The following GRID1 variants were observed in gnomAD, a reference collection of about 807,000 sequenced individuals.
GRID1 encodes glutamate receptor ionotropic, delta-1.
GRID1 carries 28 observed loss-of-function variants against 98.0 expected under a neutral mutation model. The ratio of observed to expected loss-of-function variants is 0.29; its 90% CI spans 0.21 to 0.39. GRID1 has a LOEUF of 0.39. Ranked by LOEUF, GRID1 falls within the 10% of genes least tolerant of loss-of-function variation. The pLI, the probability that GRID1 is intolerant of heterozygous loss-of-function variation, is 1.00. For missense variants in GRID1, 1,111 were observed against 1,340.5 expected, an observed-to-expected ratio of 0.83 and a Z score of 2.67; for synonymous variants, 553 against 538.5, an observed-to-expected ratio of 1.03 and a Z score of -0.37.
intron 13 of GRID1, among the ~76,000 whole-genome samples, chr10:85,640,885 T>C (rs1182247400): frequency 2.0e-5 from 3 of 152,256 alleles, no homozygotes; most frequent in Non-Finnish European, 4.4e-5. Flanking sequence ...ATTCACACTT[T>C]ATGACTTCAG....
chr10:86,119,878 C>T (rs1228168294), intron 4 of GRID1, among the ~76,000 whole-genome samples: 2 of 152,164 alleles, frequency 1.3e-5, no homozygotes, highest in Admixed American at 6.5e-5. Flanking sequence ...GCAAGCTCTG[C>T]CTCCTGGGTT....
At chr10:85,619,037 T>C (rs993855917) in intron 14 of GRID1, among the ~76,000 whole-genome samples, 2 of 152,216 alleles carry the variant, frequency 1.3e-5, no homozygotes, top group Non-Finnish European at 2.9e-5. Context: ...ATTTTGGATT[T>C]GGGTGGACTC....
chr10:86,168,150 C>G (rs1057374978), intron 3 of GRID1, among the ~76,000 whole-genome samples: 1 of 152,234 alleles, frequency 6.6e-6, no homozygotes, highest in Admixed American at 6.5e-5. Flanking sequence ...CATGAGTGGA[C>G]CTCCATTCCC....
At chr10:86,235,380 T>C (rs1846521577) in intron 2 of GRID1, among the ~76,000 whole-genome samples, 1 of 152,230 alleles carries the variant, frequency 6.6e-6, no homozygotes, top group South Asian at 2.1e-4. Context: ...TTCAGCAAGA[T>C]CATTTTAAAC....
intron 2 of GRID1, among the ~76,000 whole-genome samples, chr10:86,348,945 C>T (rs564982974): frequency 1.3e-5 from 2 of 152,350 alleles, no homozygotes; most frequent in African/African-American, 2.4e-5. Flanking sequence ...GCTTCAAAGC[C>T]CTTCTAGCCC....
intron 12 of GRID1, among the ~76,000 whole-genome samples, chr10:85,712,150 C>G (rs1841588437): frequency 1.3e-5 from 2 of 151,564 alleles, no homozygotes; most frequent in South Asian, 4.2e-4. Flanking sequence ...AATGGTAGAG[C>G]TAAGTCCTTT....
intron 3 of GRID1, among the ~76,000 whole-genome samples, chr10:86,171,859 G>A (rs1238139197): frequency 6.6e-6 from 1 of 152,144 alleles, no homozygotes; most frequent in Non-Finnish European, 1.5e-5. Context: ...GGAGGAACAC[G>A]CTCTTCCCTA....
At chr10:86,062,414 G>A (rs1487244058) in intron 4 of GRID1, among the ~76,000 whole-genome samples, 1 of 152,052 alleles carries the variant, frequency 6.6e-6, no homozygotes, top group African/African-American at 2.4e-5. Context: ...GTCTTCTCCG[G>A]AGGTCCCACT....
chr10:86,178,084 T>G (rs1259473357), intron 3 of GRID1, among the ~76,000 whole-genome samples: 5 of 152,034 alleles, frequency 3.3e-5, no homozygotes, highest in Admixed American at 2.0e-4. Flanking sequence ...GTGCTGAGAT[T>G]TCACTTCAGA....
intron 3 of GRID1, among the ~76,000 whole-genome samples, chr10:86,197,018 C>G (rs1412347635): frequency 6.6e-6 from 1 of 152,036 alleles, no homozygotes; most frequent in Non-Finnish European, 1.5e-5. Flanking sequence ...GTTCTAAATG[C>G]TGTGGGTCCA....
rs116963598 is a variant in GRID1, at chr10:85,787,976, T to G, written c.1234-58362A>C. On this transcript the variant is annotated intron_variant, in intron 8 of 15. Transcript: ENST00000327946. ...GGTTCCGCTCTTTGCTCTTGTCTCC[T>G]GTTACCCCTGCAAAATACTGAGCAC... Among the ~76,000 whole-genome samples, 245 of 151,818 alleles carry G rather than the reference T, an allele frequency of 1.6e-3. 5 individuals are homozygous for G. In the East Asian group the frequency reaches 0.044, roughly 27 times the overall value.
intron 4 of GRID1, among the ~76,000 whole-genome samples, chr10:85,945,008 T>A (rs1265949447): frequency 6.6e-6 from 1 of 152,204 alleles, no homozygotes; most frequent in East Asian, 1.9e-4. Flanking sequence ...CCCAGCAGAC[T>A]ATAGAAATAA....
intron 5 of GRID1, among the ~76,000 whole-genome samples, chr10:85,904,668 GA>G (rs1316979321): frequency 6.7e-6 from 1 of 149,710 alleles, no homozygotes; most frequent in South Asian, 2.1e-4. Context: ...AAGATTTAAC[GA>G]AAAAACTCAA....
intron 2 of GRID1, among the ~76,000 whole-genome samples, chr10:86,294,065 G>T (rs1216890553): frequency 6.6e-6 from 1 of 152,210 alleles, no homozygotes. Context: ...TCGAGGCAGA[G>T]GATCAGGAGA....
intron 4 of GRID1, among the ~76,000 whole-genome samples, chr10:85,998,526 TA>T (rs913111291): frequency 5.9e-5 from 9 of 151,628 alleles, no homozygotes; most frequent in African/African-American, 1.7e-4. Context: ...ATACTTATAC[TA>T]AAAAAAAGAA....
At chr10:85,762,900 A>G (rs1842160339) in intron 8 of GRID1, among the ~76,000 whole-genome samples, 1 of 152,224 alleles carries the variant, frequency 6.6e-6, no homozygotes, top group Admixed American at 6.5e-5. Flanking sequence ...GCCCCTGAGT[A>G]GCCTCAGGGT....
chr10:86,063,067 A>C (rs1420396212), intron 4 of GRID1, among the ~76,000 whole-genome samples: 1 of 152,236 alleles, frequency 6.6e-6, no homozygotes, highest in Non-Finnish European at 1.5e-5. Flanking sequence ...GAGAGACAGG[A>C]TGGAGCCTCC....
intron 2 of GRID1, among the ~76,000 whole-genome samples, chr10:86,214,417 G>T (rs138268046): frequency 0.017 from 2,512 of 152,198 alleles, 79 homozygotes; most frequent in African/African-American, 0.057. Flanking sequence ...CTTCCACACC[G>T]TCCCCAGTCT....
At chr10:85,746,869 T>C (rs1339253026) in intron 8 of GRID1, among the ~76,000 whole-genome samples, 1 of 152,170 alleles carries the variant, frequency 6.6e-6, no homozygotes, top group East Asian at 1.9e-4. Context: ...TGTTAAATGT[T>C]GGGGTCATTT....
Sources: gnomAD v4.1 joint callset for allele counts (sites outside exome capture counted in the v4.1 genomes callset) on GRCh38, gnomAD v4.1.1 for gene constraint, MANE v1.5 for transcripts, NCBI Gene and HGNC (gene_info 2026-07-23, HGNC 2026-07-21) for gene names.